The following ENTREP2 variants were observed in gnomAD, a reference collection of about 807,000 sequenced individuals.
ENTREP2 encodes the protein protein ENTREP2.
the ENTREP2 span, among the ~76,000 whole-genome samples, chr15:29,134,220 G>C: frequency 2.0e-5 from 3 of 152,204 alleles, no homozygotes; most frequent in African/African-American, 4.8e-5. Flanking sequence ...AGAGGTCCCA[G>C]CTCAGCTTTA....
the ENTREP2 span, among the ~76,000 whole-genome samples, chr15:29,603,014 G>A: frequency 1.1e-3 from 165 of 152,326 alleles, 3 homozygotes; most frequent in East Asian, 0.021. Context: ...GCAGAAAGAT[G>A]TGAAGAGAAT....
chr15:29,224,630 C>T, the ENTREP2 span, among the ~76,000 whole-genome samples: 2 of 152,144 alleles, frequency 1.3e-5, no homozygotes, highest in South Asian at 2.1e-4. Flanking sequence ...ATTTACAAAC[C>T]CTGAGCTAGA....
chr15:29,331,588 A>C, the ENTREP2 span, among the ~76,000 whole-genome samples: 1 of 152,184 alleles, frequency 6.6e-6, no homozygotes, highest in Non-Finnish European at 1.5e-5. Context: ...CCCTTGTGAC[A>C]TCTAAACATC....
chr15:29,143,586 C>T, the ENTREP2 span, among the ~76,000 whole-genome samples: 1 of 152,284 alleles, frequency 6.6e-6, no homozygotes, highest in Non-Finnish European at 1.5e-5. Flanking sequence ...AGCTGTGGCT[C>T]GGGGGGCTTC....
the ENTREP2 span, among the ~76,000 whole-genome samples, chr15:29,417,687 A>G: frequency 1.3e-5 from 2 of 151,948 alleles, no homozygotes; most frequent in African/African-American, 4.8e-5. Flanking sequence ...CTACGTAAAA[A>G]AAGAAATGTT....
the ENTREP2 span, among the ~76,000 whole-genome samples, chr15:29,466,896 A>G: frequency 1.7e-3 from 115 of 66,058 alleles, 2 homozygotes; most frequent in Admixed American, 2.6e-3. Context: ...GCCCAGGGGA[A>G]GATGCTGCAG....
chr15:29,233,731 CT>C, the ENTREP2 span: 1 of 1,401,460 alleles, frequency 7.1e-7, no homozygotes, highest in Admixed American at 1.7e-5. Context: ...TGGATCTGAG[CT>C]GTTTGTTAAC....
At chr15:29,392,446 C>T in the ENTREP2 span, among the ~76,000 whole-genome samples, 7 of 146,312 alleles carry the variant, frequency 4.8e-5, no homozygotes, top group African/African-American at 1.5e-4. Context: ...TTACTTCGTT[C>T]GCCTTGATGC....
At chr15:29,434,029 G>A in the ENTREP2 span, among the ~76,000 whole-genome samples, 1 of 152,142 alleles carries the variant, frequency 6.6e-6, no homozygotes, top group Admixed American at 6.5e-5. Context: ...CTATCCTAGA[G>A]AATGTGAGCT....
At chr15:29,394,891 T>C in the ENTREP2 span, among the ~76,000 whole-genome samples, 8 of 139,882 alleles carry the variant, frequency 5.7e-5, no homozygotes, top group South Asian at 4.8e-4. Flanking sequence ...TCTTTTTTTT[T>C]TTTTTTTTTT....
the ENTREP2 span, among the ~76,000 whole-genome samples, chr15:29,231,706 T>C: frequency 6.6e-6 from 1 of 152,072 alleles, no homozygotes; most frequent in African/African-American, 2.4e-5. Flanking sequence ...AATACCTCTA[T>C]AATAAACATA....
chr15:29,438,604 C>T, the ENTREP2 span, among the ~76,000 whole-genome samples: 1 of 152,022 alleles, frequency 6.6e-6, no homozygotes, highest in Non-Finnish European at 1.5e-5. Flanking sequence ...ACCATCCAAC[C>T]CGGCCCCTGT....
At chr15:29,313,410 A>T in the ENTREP2 span, among the ~76,000 whole-genome samples, 1 of 152,228 alleles carries the variant, frequency 6.6e-6, no homozygotes, top group Non-Finnish European at 1.5e-5. Context: ...TCTTGCTAGG[A>T]GCTAATGCAG....
chr15:29,313,387 G>A, the ENTREP2 span, among the ~76,000 whole-genome samples: 2 of 152,330 alleles, frequency 1.3e-5, no homozygotes, highest in Admixed American at 1.3e-4. Flanking sequence ...AGCTTCAAAG[G>A]ACAGACTGAC....
At chr15:29,669,988 C>T in the ENTREP2 span, among the ~76,000 whole-genome samples, 1 of 152,154 alleles carries the variant, frequency 6.6e-6, no homozygotes, top group African/African-American at 2.4e-5. Flanking sequence ...AATCCCCATG[C>T]GTTTTCATCA....
the ENTREP2 span, among the ~76,000 whole-genome samples, chr15:29,458,847 G>A: frequency 1.3e-5 from 2 of 152,182 alleles, no homozygotes; most frequent in African/African-American, 4.8e-5. Flanking sequence ...CCTTAATGGG[G>A]TAGTATTTTT....
At chr15:29,543,932 C>T in the ENTREP2 span, among the ~76,000 whole-genome samples, 4 of 151,812 alleles carry the variant, frequency 2.6e-5, no homozygotes, top group Middle Eastern at 3.2e-3. Context: ...ATTTCCACTC[C>T]GATTTTATGT....
At chr15:29,650,614 A>C in the ENTREP2 span, among the ~76,000 whole-genome samples, 3 of 152,018 alleles carry the variant, frequency 2.0e-5, no homozygotes, top group Non-Finnish European at 2.9e-5. Context: ...AAAACAAAAA[A>C]AAAAAATTCT....
At chr15:29,215,198 A>G in the ENTREP2 span, among the ~76,000 whole-genome samples, 1 of 152,140 alleles carries the variant, frequency 6.6e-6, no homozygotes, top group Non-Finnish European at 1.5e-5. Context: ...GATGATTAAT[A>G]CCAAGTGTCA....
Sources: allele counts gnomAD v4.1 joint callset (sites outside exome capture counted in the v4.1 genomes callset), GRCh38; gene constraint gnomAD v4.1.1; transcripts MANE v1.5; gene names NCBI Gene and HGNC (gene_info 2026-07-23, HGNC 2026-07-21).